DOCK4: variants seen among roughly 807,000 people sequenced by gnomAD.
DOCK4 encodes the protein dedicator of cytokinesis 4, also known as dedicator of cytokinesis protein 4.
DOCK4 carries 97 observed loss-of-function variants against 268.1 expected under a neutral mutation model. That is an observed-to-expected ratio of 0.36 (90% confidence interval 0.31 to 0.43). The LOEUF is 0.43. Among genes scored for constraint, DOCK4 ranks in the 20% least tolerant of loss-of-function variants. The pLI is 1.00. For missense variants in DOCK4, 2,145 were observed against 2,455.7 expected (o/e 0.87, Z 2.67); for synonymous variants, 954 against 887.2 (o/e 1.08, Z -1.34).
At chr7:112,075,830 T>C (rs1041056099) in intron 1 of DOCK4, among the ~76,000 whole-genome samples, 2 of 152,176 alleles carry the variant, frequency 1.3e-5, no homozygotes, top group African/African-American at 2.4e-5. Context: ...AATTAGCTCT[T>C]CCAGCCCAAA....
At position 112,085,964 on chromosome 7, in the gene DOCK4, T is replaced by C. The variant is rs138030483; in HGVS notation, c.38-81833A>G. Among the ~76,000 whole-genome samples the C allele has an allele frequency of 8.8e-3, 1,342 of 152,194 alleles. 9 individuals are homozygous for C. Among genetic ancestry groups the C allele is most frequent in the Non-Finnish European group, 0.015 (1,039 of 67,990 alleles). On this transcript the variant is annotated intron_variant, in intron 1 of 52. Coordinates refer to ENST00000428084, the MANE Select transcript of DOCK4 (RefSeq NM_001363540.2). Reference sequence around the variant, plus strand: ...AGTACATCCTTGAAACATTGTAATATGGGCTGGCTGTATAGGATATTAATT... The same window carrying C: ...AGTACATCCTTGAAACATTGTAATACGGGCTGGCTGTATAGGATATTAATT...
intron 1 of DOCK4, among the ~76,000 whole-genome samples, chr7:112,196,050 A>C (rs1461545718): frequency 1.3e-5 from 2 of 152,152 alleles, no homozygotes; most frequent in African/African-American, 4.8e-5. Context: ...GTTTTCGTTC[A>C]TTGCTAAGTG....
chr7:112,106,413 G>A (rs1811150903), intron 1 of DOCK4, among the ~76,000 whole-genome samples: 1 of 152,190 alleles, frequency 6.6e-6, no homozygotes, highest in African/African-American at 2.4e-5. Flanking sequence ...TACACACAGA[G>A]GTGGGGTGCT....
chr7:111,995,451 GTGTGTGTA>G (rs754416858), intron 4 of DOCK4, among the ~76,000 whole-genome samples: 9,557 of 57,042 alleles, frequency 0.17, 438 homozygotes, highest in East Asian at 0.42. Flanking sequence ...GTGTGTGTGT[GTGTGTGTA>G]TGTGCAGGTG....
chr7:111,812,571 T>C (rs572687042), intron 27 of DOCK4, among the ~76,000 whole-genome samples: 9 of 152,196 alleles, frequency 5.9e-5, no homozygotes, highest in Non-Finnish European at 1.2e-4. Flanking sequence ...CAACATTCCA[T>C]ATTTGATTAT....
intron 26 of DOCK4, among the ~76,000 whole-genome samples, chr7:111,827,408 C>T (rs1003465409): frequency 5.3e-5 from 8 of 152,166 alleles, no homozygotes; most frequent in Non-Finnish European, 1.2e-4. Context: ...GTTCCAGGTT[C>T]TGTGCTTAGG....
Position 111,958,342 on chromosome 7 carries a change from C to T in DOCK4, c.702-12544G>A, listed in dbSNP as rs549476426. Among the ~76,000 whole-genome samples the T allele has an allele frequency of 1.5e-4, 23 of 152,270 alleles. No individual in the cohort carries two copies. The South Asian group carries it at 2.9e-3, about 19-fold the overall frequency. Reference sequence around the variant, plus strand: ...TTGAACCATCTTACAACACAAATGGCGTTGAATACCAAAGAAGTCCTTGTG... The same window carrying T: ...TTGAACCATCTTACAACACAAATGGTGTTGAATACCAAAGAAGTCCTTGTG... On this transcript the variant is annotated intron_variant, in intron 8 of 52. Transcript: ENST00000428084.
Position 111,863,634 on chromosome 7 carries a change from G to C in DOCK4, c.2281-70C>G, listed in dbSNP as rs1805740302. ...GAGAAATATGCTGCAAAACGTCAGT[G>C]AGTTTAAGGACCGTGGCAAGTGTTT... On this transcript the variant is annotated intron_variant, in intron 22 of 52. Transcript: ENST00000428084. 1.4e-5 allele frequency: 20 copies of C among 1,435,142 alleles called. No homozygotes were observed. In the South Asian group the frequency reaches 2.9e-4, roughly 21 times the overall value. The allele number at this position is 1,435,142 out of a possible 1,614,324, so 88.9% of individuals were successfully genotyped here. A position where few individuals can be genotyped will look rare whatever the true frequency, so the allele number is the denominator to read the frequency against.
At chr7:112,079,230 C>A (rs921601624) in intron 1 of DOCK4, among the ~76,000 whole-genome samples, 1 of 152,178 alleles carries the variant, frequency 6.6e-6, no homozygotes, top group Non-Finnish European at 1.5e-5. Context: ...TGAATTCCTG[C>A]ACATCTGTTT....
intron 25 of DOCK4, among the ~76,000 whole-genome samples, chr7:111,839,758 C>T (rs1803526705): frequency 6.6e-6 from 1 of 152,178 alleles, no homozygotes; most frequent in African/African-American, 2.4e-5. Flanking sequence ...TGTCCAATTA[C>T]TAATGTATAT....
chr7:112,000,855 C>T (rs1800366645), intron 2 of DOCK4, among the ~76,000 whole-genome samples: 1 of 152,164 alleles, frequency 6.6e-6, no homozygotes, highest in Non-Finnish European at 1.5e-5. Flanking sequence ...TTAATCTTGG[C>T]CAGGTTACTT....
At chr7:112,070,514 A>G (rs556817087) in intron 1 of DOCK4, among the ~76,000 whole-genome samples, 6 of 152,314 alleles carry the variant, frequency 3.9e-5, no homozygotes, top group East Asian at 1.9e-4. Context: ...AGTTTTATTC[A>G]GGCTGAATTT....
intron 30 of DOCK4, among the ~76,000 whole-genome samples, chr7:111,805,066 A>G (rs1800575594): frequency 6.6e-6 from 1 of 152,204 alleles, no homozygotes; most frequent in Admixed American, 6.5e-5. Flanking sequence ...CCCAGGATCT[A>G]CTGCTGTCTC....
intron 12 of DOCK4, among the ~76,000 whole-genome samples, chr7:111,925,211 A>G (rs910411948): frequency 6.6e-6 from 1 of 152,190 alleles, no homozygotes; most frequent in Non-Finnish European, 1.5e-5. Context: ...TATCTATAAG[A>G]AAAGATAATT....
At chr7:112,121,394 G>C (rs1438983184) in intron 1 of DOCK4, among the ~76,000 whole-genome samples, 4 of 152,190 alleles carry the variant, frequency 2.6e-5, no homozygotes, top group Non-Finnish European at 5.9e-5. Context: ...CAGGCTCCTA[G>C]TGCTTCTTAC....
rs1339064065 is a variant in DOCK4, at chr7:112,070,400, G to A, written c.38-66269C>T. Among the ~76,000 whole-genome samples, 7 of 152,044 alleles carry A rather than the reference G, an allele frequency of 4.6e-5. No homozygotes were observed. In the East Asian group the frequency reaches 1.4e-3, roughly 30 times the overall value. Reference sequence around the variant, plus strand: ...ATTGATATATTAGGTTAGTGCAAAAGTAACTGTGGTTTTTGCCATTAAAAA... The same window carrying A: ...ATTGATATATTAGGTTAGTGCAAAAATAACTGTGGTTTTTGCCATTAAAAA... On this transcript the variant is annotated intron_variant, in intron 1 of 52. Transcript: ENST00000428084.
chr7:111,784,520 A>G (rs1458782019), intron 32 of DOCK4: 13 of 464,056 alleles, frequency 2.8e-5, no homozygotes, highest in Non-Finnish European at 4.7e-5. Flanking sequence ...ATATTGTACT[A>G]TCTGTGCACT....
At chr7:112,153,053 C>T (rs909252987) in intron 1 of DOCK4, among the ~76,000 whole-genome samples, 1 of 152,076 alleles carries the variant, frequency 6.6e-6, no homozygotes, top group Non-Finnish European at 1.5e-5. Context: ...TTTGGAGTGG[C>T]AAATGAGTAA....
chr7:111,998,501 A>G lies in DOCK4; in HGVS notation c.165T>C (p.Gly55=). 6.3e-7 allele frequency: 1 copy of G among 1,584,948 alleles called. No individual in the cohort carries two copies. Among genetic ancestry groups the G allele is most frequent in the Non-Finnish European group, 8.6e-7 (1 of 1,163,310 alleles). The change falls in exon 4 of 53, where the codon GGT becomes GGC. Residue 55 remains glycine (G), a splice_region_variant and synonymous_variant. Coordinates refer to ENST00000428084, the MANE Select transcript of DOCK4 (RefSeq NM_001363540.2). ...GFALKNPNIK[G]IFPSSYVHLK... is the part of the protein sequence containing the mutation. ...AGTGAACGTAGCTGGAAGGAAATAT[A>G]CCCTGGAAAAGAAAACATGAAGGTT... is the stretch of plus-strand genomic sequence containing the variant.
Sources: allele counts gnomAD v4.1 joint callset (sites outside exome capture counted in the v4.1 genomes callset), GRCh38; gene constraint gnomAD v4.1.1; transcripts MANE v1.5; gene names NCBI Gene and HGNC (gene_info 2026-07-23, HGNC 2026-07-21).